The following KMT2E variants were observed in gnomAD, a reference collection of about 807,000 sequenced individuals.
KMT2E encodes the protein histone reader KMT2E.
In KMT2E, 30 loss-of-function variants were observed where a neutral mutation model predicts 184.6. That is an observed-to-expected ratio of 0.16 (90% CI 0.12 to 0.22). The LOEUF is 0.22. Ranked by LOEUF, KMT2E falls within the 10% of genes least tolerant of loss-of-function variation. The pLI is 1.00. For missense variants in KMT2E, 2,023 were observed against 2,237.4 expected, an observed-to-expected ratio of 0.90 and a Z score of 1.93; for synonymous variants, 815 against 776.5, an observed-to-expected ratio of 1.05 and a Z score of -0.82.
chr7:105,090,352 T>C lies in KMT2E; in HGVS notation c.1623+79T>C, dbSNP rs560207694. ...ATATTTTATCCTCTTCTTTGTTCTATGTATAATTGTTTAAAGTATTTTTAA... is the reference window on the plus strand; with the variant it reads ...ATATTTTATCCTCTTCTTTGTTCTACGTATAATTGTTTAAAGTATTTTTAA... On this transcript the variant is annotated intron_variant, in intron 14 of 26. Transcript: ENST00000311117. The C allele has an allele frequency of 5.1e-5, 74 of 1,442,178 alleles. No individual in the cohort carries two copies. The African/African-American group carries it at 1.0e-3, about 20-fold the overall frequency. 89.3% of individuals were successfully genotyped at this position (1,442,178 alleles called of 1,614,324 possible).
chr7:105,076,161 T>TA lies in KMT2E; in HGVS notation c.768+80_768+81insA. On this transcript the variant is annotated intron_variant, in intron 9 of 26. Transcript: ENST00000311117. ...CATGCTTGCTTGACCATATCTTTAC[T>TA]TAATGCTCTGTTTATTGTGTGTCAT... 6 of 979,220 alleles carry TA rather than the reference T, an allele frequency of 6.1e-6. No individual in the cohort carries two copies. The South Asian group carries it at 8.1e-5, about 13-fold the overall frequency. 60.7% of individuals were successfully genotyped at this position (979,220 alleles called of 1,614,324 possible).
At chr7:105,014,899 C>T (rs532505254) in intron 1 of KMT2E, among the ~76,000 whole-genome samples, 51 of 152,232 alleles carry the variant, frequency 3.4e-4, no homozygotes, top group African/African-American at 1.2e-3. Flanking sequence ...GAAGTGGTCC[C>T]AGGAGCTGCC....
intron 1 of KMT2E, among the ~76,000 whole-genome samples, chr7:105,027,541 A>C (rs551990963): frequency 2.2e-4 from 34 of 152,274 alleles, no homozygotes; most frequent in South Asian, 1.9e-3. Flanking sequence ...GTGTTTGCAT[A>C]CTGAGTATTT....
intron 19 of KMT2E, among the ~76,000 whole-genome samples, 181 bp downstream of exon 19, chr7:105,106,184 T>C (rs1798891726): frequency 6.6e-6 from 1 of 152,182 alleles, no homozygotes; most frequent in Non-Finnish European, 1.5e-5. Flanking sequence ...CAATACCACG[T>C]ATGCTGGGGT....
intron 3 of KMT2E, among the ~76,000 whole-genome samples, chr7:105,055,038 T>C (rs1248631620): frequency 6.6e-6 from 1 of 152,108 alleles, no homozygotes; most frequent in African/African-American, 2.4e-5. Context: ...CTGATCAGTT[T>C]CAGGGCTTCT....
At chr7:105,025,611 C>G (rs867579372) in intron 1 of KMT2E, among the ~76,000 whole-genome samples, 4 of 152,126 alleles carry the variant, frequency 2.6e-5, no homozygotes, top group African/African-American at 7.2e-5. Context: ...AAACTACTTT[C>G]TGCTGCTTCC....
chr7:105,087,604 A>T (rs961563341), intron 13 of KMT2E, among the ~76,000 whole-genome samples: 7 of 151,490 alleles, frequency 4.6e-5, no homozygotes, highest in Non-Finnish European at 8.8e-5. Context: ...TTTGTGTTTT[A>T]GTAGAGACGG....
intron 11 of KMT2E, among the ~76,000 whole-genome samples, chr7:105,078,569 T>C (rs1797625386): frequency 6.6e-6 from 1 of 151,040 alleles, no homozygotes; most frequent in South Asian, 2.1e-4. Flanking sequence ...CATGGCTCAC[T>C]GCAGCCTTGA....
rs1484332708 is a variant in KMT2E at position 105,062,207 on chromosome 7, A to T, written c.115A>T (p.Asn39Tyr). ...EASPVVVEKS[N>Y]SYPHQLYTSS... is the part of the protein sequence containing the mutation. ...TAGCCCTGTGGTAGTTGAGAAATCC[A>T]ACAGTTATCCCCACCAGTTATATAC... Residue 39 changes from asparagine to tyrosine, a missense_variant, in exon 4 of 27, where the codon AAC becomes TAC. By Grantham distance (143) the Asn-to-Tyr change is moderately radical (BLOSUM62 -2). Transcript: ENST00000311117. 4 of 1,613,712 alleles carry T rather than the reference A, an allele frequency of 2.5e-6. No individual in the cohort carries two copies. Among genetic ancestry groups the T allele is most frequent in the Non-Finnish European group, 3.4e-6 (4 of 1,179,726 alleles).
chr7:105,089,896 A>G lies in KMT2E; in HGVS notation c.1359-113A>G, dbSNP rs577963660. 2.3e-4 allele frequency: 334 copies of G among 1,463,162 alleles called. 1 individual carries two copies. In the East Asian group the frequency reaches 7.7e-3, roughly 34 times the overall value. 90.6% of individuals were successfully genotyped at this position (1,463,162 alleles called of 1,614,324 possible). A position where few individuals can be genotyped will look rare whatever the true frequency, so the allele number is the denominator to read the frequency against. On this transcript the variant is annotated intron_variant, in intron 13 of 26. Transcript: ENST00000311117. Reference sequence around the variant, plus strand: ...TGTAAATTACTAAAAAGGATTGCTTATAATTAATAGTAATTGCATACAATT... The same window carrying G: ...TGTAAATTACTAAAAAGGATTGCTTGTAATTAATAGTAATTGCATACAATT...
chr7:105,110,728 T>C (rs982879948), intron 25 of KMT2E, 43 bp from the exon 26 acceptor site: 5 of 1,588,176 alleles, frequency 3.1e-6, no homozygotes, highest in Non-Finnish European at 3.5e-6. Context: ...ACAGTGTTTA[T>C]TGTGTAATTT....
At chr7:105,025,916 A>G (rs1394766370) in intron 1 of KMT2E, among the ~76,000 whole-genome samples, 2 of 152,172 alleles carry the variant, frequency 1.3e-5, no homozygotes, top group African/African-American at 2.4e-5. Context: ...TTGCCCCACA[A>G]AGATCTAGGT....
intron 1 of KMT2E, among the ~76,000 whole-genome samples, chr7:105,031,146 C>T (rs1795396753): frequency 6.6e-6 from 1 of 151,398 alleles, no homozygotes; most frequent in African/African-American, 2.4e-5. Context: ...CACTTGAGGT[C>T]AGGAGATCGA....
chr7:105,108,215 C>T (rs1369224100), intron 22 of KMT2E, among the ~76,000 whole-genome samples: 1 of 151,990 alleles, frequency 6.6e-6, no homozygotes, highest in Non-Finnish European at 1.5e-5. Flanking sequence ...AGGAACTCCC[C>T]AACCAAAAAC....
At position 105,101,598 on chromosome 7, in the gene KMT2E, T is replaced by C; in HGVS notation, c.1887+9T>C. On this transcript the variant is annotated intron_variant, in intron 16 of 26. Transcript: ENST00000311117. ...ATGCTGAAGTTATTCAGGTATTATT[T>C]ATTCAGGTCGTTTTATTTTCTTAAA... The C allele has an allele frequency of 4.6e-6, 7 of 1,520,396 alleles. No homozygotes were observed. The highest frequency in any genetic ancestry group is 1.8e-6 in the Non-Finnish European group (2 of 1,141,716). The allele number at this position is 1,520,396 out of a possible 1,614,324, so 94.2% of individuals were successfully genotyped here. A position where few individuals can be genotyped will look rare whatever the true frequency, so the allele number is the denominator to read the frequency against.
chr7:105,035,202 T>A (rs1441361625), intron 1 of KMT2E, among the ~76,000 whole-genome samples: 1 of 151,570 alleles, frequency 6.6e-6, no homozygotes, highest in East Asian at 1.9e-4. Context: ...TTTTTTTTTT[T>A]TTTGTATTTT....
At position 105,061,205 on chromosome 7, in the gene KMT2E, C is replaced by T. The variant is rs1475893137; in HGVS notation, c.72-959C>T. Among the ~76,000 whole-genome samples, 13 of 151,472 alleles carry T rather than the reference C, an allele frequency of 8.6e-5. No homozygotes were observed. The East Asian group carries it at 2.5e-3, about 29-fold the overall frequency. On this transcript the variant is annotated intron_variant, in intron 3 of 26. Coordinates refer to ENST00000311117, the MANE Select transcript of KMT2E (RefSeq NM_182931.3). ...ACTGTAAAAAATGTTTTTTATGCTG[C>T]TAGTCTCATGACTAATCAGAATATA... is the stretch of plus-strand genomic sequence containing the variant.
At chr7:105,099,981 A>C (rs1379019881) in intron 15 of KMT2E, among the ~76,000 whole-genome samples, 2 of 152,202 alleles carry the variant, frequency 1.3e-5, no homozygotes, top group Admixed American at 6.6e-5. Context: ...TTAAAAGCCC[A>C]AAAATAAGGA....
At chr7:105,036,751 G>A (rs1255523849) in intron 1 of KMT2E, among the ~76,000 whole-genome samples, 1 of 152,178 alleles carries the variant, frequency 6.6e-6, no homozygotes, top group African/African-American at 2.4e-5. Flanking sequence ...TGGTAGTAAT[G>A]CTAGCTCAGT....
Sources: allele counts gnomAD v4.1 joint callset (sites outside exome capture counted in the v4.1 genomes callset), GRCh38; gene constraint gnomAD v4.1.1; transcripts MANE v1.5; gene names NCBI Gene and HGNC (gene_info 2026-07-23, HGNC 2026-07-21).